The following ABCA4 variants were observed in gnomAD, a reference collection of about 807,000 sequenced individuals.
ABCA4 encodes retinal-specific phospholipid-transporting ATPase ABCA4.
A neutral mutation model predicts 263.7 loss-of-function variants in ABCA4; 196 were observed. The observed-to-expected ratio is 0.74, with a 90% CI of 0.66 to 0.84. The LOEUF is 0.84. ABCA4 is among the 40% of genes least tolerant of loss of function. The pLI is 0.00. For synonymous variants in ABCA4, 1,133 were observed against 1,094.2 expected, an observed-to-expected ratio of 1.04 and a Z score of -0.70; for missense variants, 2,792 against 2,855.1, an observed-to-expected ratio of 0.98 and a Z score of 0.50.
chr1:94,019,356 G>A, intron 36 of ABCA4: 1 of 554,202 alleles, frequency 1.8e-6, no homozygotes, highest in South Asian at 2.1e-5. Context: ...CCGTTCACCA[G>A]TTGTTAAGCT....
At chr1:94,120,887 G>GGGCCCCCCCC in intron 1 of ABCA4, 93 bp downstream of exon 1, 4 of 339,360 alleles carry the variant, frequency 1.2e-5, no homozygotes, top group Non-Finnish European at 1.6e-5. Flanking sequence ...CCCCCACCCT[G>GGGCCCCCCCC]CCCCACCACC....
chr1:94,001,782 C>A (rs1252705134), intron 45 of ABCA4, 76 bp downstream of exon 45: 2 of 1,607,938 alleles, frequency 1.2e-6, no homozygotes, highest in South Asian at 2.2e-5. Context: ...AATCTGCCGA[C>A]CCAGAACCTA....
chr1:93,995,848 GC>G (rs1658984560), intron 49 of ABCA4, among the ~76,000 whole-genome samples: 2 of 152,230 alleles, frequency 1.3e-5, no homozygotes, highest in Non-Finnish European at 2.9e-5. Flanking sequence ...GCTCTCCCAT[GC>G]TATCCAGATG....
At position 94,021,421 on chromosome 1, in the gene ABCA4, AG is replaced by A. The variant is rs1451762471; in HGVS notation, c.4849-13del. 1.9e-6 allele frequency: 3 copies of A among 1,614,206 alleles called. No individual in the cohort carries two copies. The East Asian group carries it at 6.7e-5, about 36-fold the overall frequency. ...TTATTAAACCACACCTAGAGGGTGGAGAGGACATCTGAGACGCTGCACTAAC... is the reference window on the plus strand; with the variant it reads ...TTATTAAACCACACCTAGAGGGTGGAAGGACATCTGAGACGCTGCACTAAC... On this transcript the variant is annotated splice_polypyrimidine_tract_variant and intron_variant, in intron 34 of 49. Coordinates refer to ENST00000370225, the MANE Select transcript of ABCA4 (RefSeq NM_000350.3).
intron 38 of ABCA4, among the ~76,000 whole-genome samples, chr1:94,012,471 A>G (rs1385325767): frequency 6.6e-6 from 1 of 152,158 alleles, no homozygotes; most frequent in South Asian, 2.1e-4. Context: ...TAATTTTTTA[A>G]AAATCTGCCT....
Position 94,062,658 on chromosome 1 carries a change from A to T in ABCA4, c.1856T>A (p.Ile619Asn). ...AYLQDMVEQGITRSQVQAEAP... is the reference protein window; with the variant it reads ...AYLQDMVEQGNTRSQVQAEAP... Reference sequence around the variant, plus strand: ...CTCCGCCTGCACCTGGCTCCTTGTGATCCCCTGTTCAACCATGTCCTGCAG... The same window carrying T: ...CTCCGCCTGCACCTGGCTCCTTGTGTTCCCCTGTTCAACCATGTCCTGCAG... The change falls in exon 13 of 50, where the codon ATC (isoleucine) becomes AAC (asparagine). Residue 619 changes from isoleucine to asparagine, a missense_variant. Transcript: ENST00000370225. The T allele has an allele frequency of 6.2e-7, 1 of 1,614,150 alleles. No individual in the cohort carries two copies. Among genetic ancestry groups the T allele is most frequent in the Non-Finnish European group, 8.5e-7 (1 of 1,180,034 alleles).
chr1:93,998,905 A>ATTTTTTTT (rs11370620), intron 47 of ABCA4, among the ~76,000 whole-genome samples: 56 of 135,794 alleles, frequency 4.1e-4, no homozygotes, highest in Middle Eastern at 3.9e-3. Flanking sequence ...CACTCGGCTA[A>ATTTTTTTT]TTTTTTTTTT....
chr1:94,048,066 C>T (rs1570379300), intron 18 of ABCA4, among the ~76,000 whole-genome samples: 1 of 152,184 alleles, frequency 6.6e-6, no homozygotes, highest in Non-Finnish European at 1.5e-5. Context: ...GAGGATCTTG[C>T]CAGAGGCATG....
In ABCA4 at chr1:94,008,265, G is replaced by C; in HGVS notation, c.5868C>G (p.Asp1956Glu). 1 of 1,614,176 alleles carries C rather than the reference G, an allele frequency of 6.2e-7. No homozygotes were observed. Among genetic ancestry groups the C allele is most frequent in the Non-Finnish European group, 8.5e-7 (1 of 1,180,032 alleles). The change falls in exon 42 of 50, where the codon GAC (aspartate) becomes GAG (glutamate). Residue 1956 changes from aspartate to glutamate, a missense_variant. Physicochemically the swap from Asp to Glu is conservative, Grantham distance 45. Coordinates refer to ENST00000370225, the MANE Select transcript of ABCA4 (RefSeq NM_000350.3). ...IYPGTSSPAV[D>E]RLCVGVRPGE... ...CAGGGCGAACTCCGACACACAGCCT[G>C]TCCACTGCTGGGCTGGAGGTGCCTG...
chr1:94,108,825 T>C, intron 3 of ABCA4, 109 bp from the exon 4 acceptor site: 3 of 1,335,450 alleles, frequency 2.2e-6, no homozygotes, highest in Non-Finnish European at 3.1e-6. Context: ...CAGGCTGGAG[T>C]GCAGTGGCGT....
chr1:94,018,514 A>T, intron 36 of ABCA4: 2 of 454,324 alleles, frequency 4.4e-6, no homozygotes, highest in South Asian at 3.1e-5. Context: ...TTGTTAAGTG[A>T]TAGCTGCTTA....
rs866410107 is a variant in ABCA4, at chr1:94,024,130, T to C, written c.4635-712A>G. ...TTCACCATTTGCAGTGTGTTCTAGT[T>C]AATTAAGTCAATTTATCCCTCGTTC... On this transcript the variant is annotated intron_variant, in intron 31 of 49. Coordinates refer to ENST00000370225, the MANE Select transcript of ABCA4 (RefSeq NM_000350.3). Among the ~76,000 whole-genome samples, 3 of 152,340 alleles carry C rather than the reference T, an allele frequency of 2.0e-5. No homozygotes were observed. The South Asian group carries it at 6.2e-4, about 32-fold the overall frequency.
intron 47 of ABCA4, among the ~76,000 whole-genome samples, chr1:93,998,824 C>T (rs954876913): frequency 3.3e-5 from 5 of 150,586 alleles, no homozygotes; most frequent in South Asian, 2.1e-4. Flanking sequence ...CTGCAACCTC[C>T]GCCTCCTGGG....
chr1:94,094,773 A>G (rs1242374469), intron 6 of ABCA4, among the ~76,000 whole-genome samples: 1 of 152,106 alleles, frequency 6.6e-6, no homozygotes, highest in Non-Finnish European at 1.5e-5. Flanking sequence ...GGGGAGGAGG[A>G]GGGGAAGGAG....
At chr1:94,022,316 C>T (rs778707586) in intron 32 of ABCA4, among the ~76,000 whole-genome samples, 9 of 152,320 alleles carry the variant, frequency 5.9e-5, no homozygotes, top group Admixed American at 3.3e-4. Flanking sequence ...TAGCTCCCCT[C>T]GGCACCTTTC....
At chr1:94,079,761 G>A (rs1036088473) in intron 8 of ABCA4, among the ~76,000 whole-genome samples, 2 of 152,176 alleles carry the variant, frequency 1.3e-5, no homozygotes, top group East Asian at 1.9e-4. Context: ...AGGAACTGAG[G>A]CCTTTCTCAG....
intron 30 of ABCA4, among the ~76,000 whole-genome samples, chr1:94,026,910 G>A (rs1178405777): frequency 6.6e-6 from 1 of 152,118 alleles, no homozygotes; most frequent in African/African-American, 2.4e-5. Context: ...GTGAATAAGA[G>A]TGTGGGTTTG....
chr1:94,023,444 A>G (rs374252905), intron 31 of ABCA4, 26 bp from the exon 32 acceptor site: 27 of 1,586,010 alleles, frequency 1.7e-5, no homozygotes, highest in South Asian at 2.2e-5. Flanking sequence ...AAATAATGCA[A>G]TGAATACCAC....
chr1:94,051,045 A>G (rs1014565406), intron 17 of ABCA4, among the ~76,000 whole-genome samples: 1 of 152,204 alleles, frequency 6.6e-6, no homozygotes, highest in Non-Finnish European at 1.5e-5. Flanking sequence ...TTGGTTCAGT[A>G]GTAAAGGTGC....
Sources: gnomAD v4.1 joint callset for allele counts (sites outside exome capture counted in the v4.1 genomes callset) on GRCh38, gnomAD v4.1.1 for gene constraint, MANE v1.5 for transcripts, NCBI Gene and HGNC (gene_info 2026-07-23, HGNC 2026-07-21) for gene names.